Variants in MBNL1 observed in about 807,000 individuals in gnomAD.
The protein encoded by MBNL1 is muscleblind like splicing regulator 1.
Under a neutral mutation model 42.2 loss-of-function variants are expected in MBNL1, and 8 were observed. The ratio of observed to expected loss-of-function variants is 0.19; its 90% CI spans 0.11 to 0.34. The LOEUF is 0.34. Ranked by LOEUF, MBNL1 falls within the 10% of genes least tolerant of loss-of-function variation. The pLI, the probability that MBNL1 is intolerant of heterozygous loss-of-function variation, is 1.00. For missense variants in MBNL1, 309 were observed against 495.3 expected (o/e 0.62, Z 3.57); for synonymous variants, 169 against 173.9 (o/e 0.97, Z 0.22).
At chr3:152,286,736 T>C (rs948209505) in intron 1 of MBNL1, among the ~76,000 whole-genome samples, 2 of 151,958 alleles carry the variant, frequency 1.3e-5, no homozygotes, top group South Asian at 4.1e-4. Context: ...TATATGATAG[T>C]TCATTAGACA....
At chr3:152,357,992 GGT>G (rs10694488) in intron 2 of MBNL1, among the ~76,000 whole-genome samples, 35 of 151,014 alleles carry the variant, frequency 2.3e-4, no homozygotes, top group Non-Finnish European at 5.2e-4. Flanking sequence ...AAGTTAGAAG[GGT>G]GTGTGTGTGT....
At chr3:152,283,918 T>G (rs1433913321) in intron 1 of MBNL1, among the ~76,000 whole-genome samples, 1 of 152,212 alleles carries the variant, frequency 6.6e-6, no homozygotes, top group African/African-American at 2.4e-5. Context: ...GAAACTAACC[T>G]TGACCTCTCT....
In MBNL1 at chr3:152,415,134, C is replaced by T. The variant is rs756219364; in HGVS notation, c.345+23C>T. On this transcript the variant is annotated intron_variant, in intron 3 of 9. Coordinates refer to ENST00000324210, the MANE Select transcript of MBNL1 (RefSeq NM_021038.5). ...GTGGTAAGCATGTTTTCAGTCTTCA[C>T]TCATTAAGTTTTTGATTCAAAGTGC... The T allele has an allele frequency of 7.1e-6, 11 of 1,541,390 alleles. No individual in the cohort carries two copies. In the East Asian group the frequency reaches 1.9e-4, roughly 26 times the overall value.
chr3:152,272,067 CTCTT>C (rs891009314), intron 1 of MBNL1, among the ~76,000 whole-genome samples: 2 of 147,710 alleles, frequency 1.4e-5, no homozygotes, highest in Admixed American at 6.8e-5. Flanking sequence ...CTCTCTCTCT[CTCTT>C]TCATGGTGTC....
intron 2 of MBNL1, among the ~76,000 whole-genome samples, chr3:152,323,315 C>T (rs556629904): frequency 1.3e-5 from 2 of 151,996 alleles, no homozygotes; most frequent in South Asian, 2.1e-4. Flanking sequence ...ATTCATTCAA[C>T]AATATTGTTA....
intron 4 of MBNL1, among the ~76,000 whole-genome samples, chr3:152,439,478 C>T (rs758805192): frequency 4.6e-5 from 7 of 152,090 alleles, no homozygotes; most frequent in South Asian, 2.1e-4. Context: ...TTGGCTACTG[C>T]TTGTGTGACT....
chr3:152,431,913 C>T (rs1219298442), intron 3 of MBNL1, among the ~76,000 whole-genome samples: 2 of 149,692 alleles, frequency 1.3e-5, no homozygotes, highest in African/African-American at 4.8e-5. Context: ...CAAATAGAAA[C>T]AATCCTTATA....
At chr3:152,450,712 C>G (rs1424998506) in intron 6 of MBNL1, among the ~76,000 whole-genome samples, 1 of 152,158 alleles carries the variant, frequency 6.6e-6, no homozygotes, top group Non-Finnish European at 1.5e-5. Context: ...GTATATGCCT[C>G]ATAGGGTTGG....
intron 1 of MBNL1, among the ~76,000 whole-genome samples, chr3:152,279,762 G>A (rs2047339972): frequency 6.6e-6 from 1 of 152,056 alleles, no homozygotes; most frequent in African/African-American, 2.4e-5. Context: ...AATAGTATGA[G>A]GCTATAAAAT....
chr3:152,396,867 A>G (rs186487272), intron 2 of MBNL1, among the ~76,000 whole-genome samples: 1 of 152,354 alleles, frequency 6.6e-6, no homozygotes, highest in East Asian at 1.9e-4. Flanking sequence ...ATGAAGTACA[A>G]GAAATGGTCT....
chr3:152,383,916 T>C (rs532422224), intron 2 of MBNL1, among the ~76,000 whole-genome samples: 166 of 152,194 alleles, frequency 1.1e-3, no homozygotes, highest in South Asian at 4.3e-3. Context: ...ATTGTACTCA[T>C]GGCACCTAAA....
intron 6 of MBNL1, among the ~76,000 whole-genome samples, chr3:152,453,041 T>A (rs1275767836): frequency 6.6e-6 from 1 of 151,518 alleles, no homozygotes; most frequent in Non-Finnish European, 1.5e-5. Context: ...TGTATATTAA[T>A]AAATTACTTA....
chr3:152,431,132 C>T (rs2099001438), intron 3 of MBNL1, among the ~76,000 whole-genome samples: 1 of 152,180 alleles, frequency 6.6e-6, no homozygotes, highest in Admixed American at 6.5e-5. Context: ...GCCTTCTTAA[C>T]ATTGACAGTA....
intron 1 of MBNL1, among the ~76,000 whole-genome samples, chr3:152,283,523 T>A (rs1231153425): frequency 6.6e-6 from 1 of 152,186 alleles, no homozygotes; most frequent in African/African-American, 2.4e-5. Context: ...AGTCCTGAGT[T>A]TATTTAATAA....
At chr3:152,419,685 TTTTG>T (rs137968164) in intron 3 of MBNL1, among the ~76,000 whole-genome samples, 27,918 of 149,120 alleles carry the variant, frequency 0.19, 2,907 homozygotes, top group East Asian at 0.32. Flanking sequence ...GCAGGAGTTT[TTTTG>T]TTTGTTTGTT....
At chr3:152,310,385 TGA>T (rs2065660654) in intron 2 of MBNL1, among the ~76,000 whole-genome samples, 1 of 152,224 alleles carries the variant, frequency 6.6e-6, no homozygotes, top group Non-Finnish European at 1.5e-5. Context: ...GATGCTGAAC[TGA>T]GATTCAGTGT....
intron 2 of MBNL1, among the ~76,000 whole-genome samples, chr3:152,331,713 T>C (rs2084707242): frequency 6.6e-6 from 1 of 152,096 alleles, no homozygotes; most frequent in African/African-American, 2.4e-5. Flanking sequence ...GATTGATTGA[T>C]TGAGATGGAG....
intron 3 of MBNL1, among the ~76,000 whole-genome samples, chr3:152,427,980 A>G (rs891814935): frequency 6.6e-6 from 1 of 151,868 alleles, no homozygotes; most frequent in African/African-American, 2.4e-5. Flanking sequence ...TTTAAGATAA[A>G]TATCAGCCCC....
intron 1 of MBNL1, among the ~76,000 whole-genome samples, chr3:152,289,635 ATAT>A (rs1481408881): frequency 1.3e-5 from 2 of 152,114 alleles, no homozygotes; most frequent in African/African-American, 4.8e-5. Context: ...TGAAGAATAT[ATAT>A]TATTATGAGG....
Sources: gnomAD v4.1 joint callset for allele counts (sites outside exome capture counted in the v4.1 genomes callset) on GRCh38, gnomAD v4.1.1 for gene constraint, MANE v1.5 for transcripts, NCBI Gene and HGNC (gene_info 2026-07-23, HGNC 2026-07-21) for gene names.